SHPRH: variants seen among roughly 807,000 people sequenced by gnomAD.
SHPRH encodes the protein E3 ubiquitin-protein ligase SHPRH.
A neutral mutation model predicts 202.5 loss-of-function variants in SHPRH; 106 were observed. The observed-to-expected ratio is 0.52, with a 90% CI of 0.45 to 0.62. SHPRH has a LOEUF of 0.62. SHPRH is among the 20% of genes least tolerant of loss of function. SHPRH has a pLI of 0.00. For missense variants in SHPRH, 1,710 were observed against 2,020.0 expected, an observed-to-expected ratio of 0.85 and a Z score of 2.94; for synonymous variants, 729 against 686.0, an observed-to-expected ratio of 1.06 and a Z score of -0.98.
the SHPRH span, among the ~76,000 whole-genome samples, chr6:145,858,241 T>C: frequency 6.6e-6 from 1 of 152,114 alleles, no homozygotes; most frequent in Non-Finnish European, 1.5e-5. Flanking sequence ...AAAGCTTATG[T>C]TTACACAAAG....
chr6:145,868,004 TG>T (rs1004252467), intron 2 of SHPRH, among the ~76,000 whole-genome samples: 2 of 152,120 alleles, frequency 1.3e-5, no homozygotes, highest in Non-Finnish European at 2.9e-5. Context: ...ACAAACTGGG[TG>T]GCTTAAACAA....
chr6:145,895,538 T>TG lies in SHPRH; in HGVS notation c.4516-562_4516-561insC, dbSNP rs71802358. ...AAAGCTAGACACTTAAAACTGTGTGTTTTTTTTTTTTTGCATCTTCCATAA... is the reference window on the plus strand; with the variant it reads ...AAAGCTAGACACTTAAAACTGTGTGTGTTTTTTTTTTTTGCATCTTCCATAA... On this transcript the variant is annotated intron_variant, in intron 25 of 29. Coordinates refer to ENST00000275233, the MANE Select transcript of SHPRH (RefSeq NM_001042683.3). Among the ~76,000 whole-genome samples the TG allele has an allele frequency of 7.7e-5, 7 of 90,356 alleles. No individual in the cohort carries two copies. The East Asian group carries it at 9.4e-4, about 12-fold the overall frequency. The allele number at this position is 90,356 out of a possible 152,430, so 59.3% of individuals were successfully genotyped here.
intron 29 of SHPRH, among the ~76,000 whole-genome samples, chr6:145,887,370 G>A (rs1056847837): frequency 2.0e-5 from 3 of 151,888 alleles, no homozygotes; most frequent in Admixed American, 2.0e-4. Context: ...ACCTCCTAAA[G>A]ATGTAGAAAG....
At chr6:145,922,217 A>G (rs1784485868) in intron 20 of SHPRH, 69 bp downstream of exon 20, 9 of 1,335,876 alleles carry the variant, frequency 6.7e-6, no homozygotes, top group Non-Finnish European at 9.4e-6. Context: ...ACATAGTCTT[A>G]TATCACATAA....
In SHPRH at chr6:145,943,757, C is replaced by T; in HGVS notation, c.1624G>A (p.Gly542Arg). The change falls in exon 9 of 30, where the codon GGG (glycine) becomes AGG (arginine). Residue 542 changes from glycine (G) to arginine (R), a missense_variant. By Grantham distance (125) the Gly-to-Arg change is moderately radical. Transcript: ENST00000275233. Reference sequence around the variant, plus strand: ...TATTCAGAATCTGTGTCCTTGTTCCCTGATTTTCTAGTTTCTTTCTGAATT... The same window carrying T: ...TATTCAGAATCTGTGTCCTTGTTCCTTGATTTTCTAGTTTCTTTCTGAATT... Reference protein sequence around the residue: ...RKIQKETRKSGNKDTDSEYLP... With the variant: ...RKIQKETRKSRNKDTDSEYLP... 1 of 1,595,446 alleles carries T rather than the reference C, an allele frequency of 6.3e-7. No homozygotes were observed. Among genetic ancestry groups the T allele is most frequent in the Non-Finnish European group, 8.5e-7 (1 of 1,174,944 alleles).
At chr6:145,922,884 G>A (rs984891240) in intron 18 of SHPRH, 48 bp from the exon 19 acceptor site, 11 of 1,465,524 alleles carry the variant, frequency 7.5e-6, no homozygotes, top group African/African-American at 4.4e-5. Flanking sequence ...AAGAATAATA[G>A]GTCAATTTCC....
chr6:145,890,390 G>A (rs1409307964), intron 28 of SHPRH, among the ~76,000 whole-genome samples: 2 of 152,140 alleles, frequency 1.3e-5, no homozygotes, highest in African/African-American at 2.4e-5. Context: ...TCTCCATGTT[G>A]CTAAATCTAA....
chr6:145,867,489 A>C (rs967596543), intron 2 of SHPRH, among the ~76,000 whole-genome samples: 1 of 150,928 alleles, frequency 6.6e-6, no homozygotes, highest in Non-Finnish European at 1.5e-5. Flanking sequence ...AGAGAGGCAA[A>C]ATGAAACAGG....
At chr6:145,956,217 G>A (rs1326821349) in intron 1 of SHPRH, among the ~76,000 whole-genome samples, 1 of 152,028 alleles carries the variant, frequency 6.6e-6, no homozygotes, top group Non-Finnish European at 1.5e-5. Flanking sequence ...TGGAATCTCA[G>A]CAGCAAAGAA....
At chr6:145,941,485 G>A in intron 10 of SHPRH, 138 bp downstream of exon 10, 3 of 1,299,836 alleles carry the variant, frequency 2.3e-6, no homozygotes, top group African/African-American at 1.5e-5. Context: ...AAAAGCACAA[G>A]TAGTGTTTAA....
At position 145,947,243 on chromosome 6, in the gene SHPRH, C is replaced by A. The variant is rs375896895; in HGVS notation, c.1212+250G>T. Among the ~76,000 whole-genome samples, 739 of 152,116 alleles carry A rather than the reference C, an allele frequency of 4.9e-3. 16 individuals carry two copies. The South Asian group carries it at 0.053, about 11-fold the overall frequency. On this transcript the variant is annotated intron_variant, in intron 6 of 29. Transcript: ENST00000275233. ...TTTTGTAAAGGAGTTTCTCTGCCAA[C>A]TAGAAGAAAGTTCAGTAAGTGATCA...
chr6:145,956,709 T>C (rs1788547330), intron 1 of SHPRH, among the ~76,000 whole-genome samples: 1 of 152,134 alleles, frequency 6.6e-6, no homozygotes. Context: ...ACTTTCATTC[T>C]GAAAATTTTC....
chr6:145,931,202 A>C (rs1785403233), intron 14 of SHPRH, among the ~76,000 whole-genome samples: 1 of 152,118 alleles, frequency 6.6e-6, no homozygotes, highest in Non-Finnish European at 1.5e-5. Flanking sequence ...CAGGCCTCTT[A>C]ATTGGGATAT....
intron 23 of SHPRH, among the ~76,000 whole-genome samples, chr6:145,915,011 G>A (rs572229648): frequency 9.9e-5 from 15 of 151,024 alleles, no homozygotes; most frequent in Admixed American, 6.6e-4. Context: ...GGACTTTCTT[G>A]TCCATTCCTC....
intron 2 of SHPRH, among the ~76,000 whole-genome samples, chr6:145,868,903 A>C (rs1252522522): frequency 6.6e-6 from 1 of 152,192 alleles, no homozygotes; most frequent in African/African-American, 2.4e-5. Flanking sequence ...TTGCTTTATT[A>C]TTCTTAAATA....
Position 145,934,997 on chromosome 6 carries a change from A to T in SHPRH, c.2900T>A (p.Val967Asp). The T allele has an allele frequency of 6.2e-7, 1 of 1,614,088 alleles. No individual in the cohort carries two copies. The highest frequency in any genetic ancestry group is 8.5e-7 in the Non-Finnish European group (1 of 1,180,008). Reference sequence around the variant, plus strand: ...CAGCAATGGATACAGGATAGAGGTGACAGTCCTTCTGTCTAGGCTGCTGAG... The same window carrying T: ...CAGCAATGGATACAGGATAGAGGTGTCAGTCCTTCTGTCTAGGCTGCTGAG... Reference protein sequence around the residue: ...LKLSSLDRRTVTSILYPLLRL... With the variant: ...LKLSSLDRRTDTSILYPLLRL... The change falls in exon 13 of 30, where the codon GTC becomes GAC. Residue 967 changes from valine (V) to aspartate (D), a missense_variant. Physicochemically the swap from Val to Asp is radical, Grantham distance 152. Around this residue, in one of 8 missense-constraint regions of SHPRH, gnomAD observed 277 missense variants for 363.0 expected, o/e 0.76. Transcript: ENST00000275233.
chr6:145,950,354 G>A lies in SHPRH; in HGVS notation c.892C>T (p.Pro298Ser), dbSNP rs1787846624. 2 of 1,613,148 alleles carry A rather than the reference G, an allele frequency of 1.2e-6. No individual in the cohort carries two copies. Among genetic ancestry groups the A allele is most frequent in the Admixed American group, 3.3e-5 (2 of 59,904 alleles). Reference protein sequence around the residue: ...TQSIQVDVQHPALIPVLRPYQ... With the variant: ...TQSIQVDVQHSALIPVLRPYQ... ...GGTCTCAACACAGGGATCAATGCAG[G>A]ATGCTGGACATCCACTTGGATGGAC... The change falls in exon 4 of 30, where the codon CCT becomes TCT. Residue 298 changes from proline to serine, a missense_variant. By Grantham distance (74) the Pro-to-Ser change is moderately conservative (BLOSUM62 -1). Around this residue, in one of 8 missense-constraint regions of SHPRH, gnomAD observed 459 missense variants for 426.5 expected, o/e 1.08. Coordinates refer to ENST00000275233, the MANE Select transcript of SHPRH (RefSeq NM_001042683.3).
At chr6:145,893,519 T>A in intron 27 of SHPRH, 126 bp from the exon 28 acceptor site, 2 of 871,158 alleles carry the variant, frequency 2.3e-6, no homozygotes, top group Non-Finnish European at 3.2e-6. Context: ...CTAAGAAACT[T>A]AAATGCAAAA....
At chr6:145,911,784 A>AATC in intron 24 of SHPRH, among the ~76,000 whole-genome samples, 1 of 152,086 alleles carries the variant, frequency 6.6e-6, no homozygotes, top group East Asian at 1.9e-4. Context: ...ACTCACATTG[A>AATC]AAGAAGAGAA....
Sources: gnomAD v4.1 joint callset for allele counts (sites outside exome capture counted in the v4.1 genomes callset) on GRCh38, gnomAD v4.1.1 for gene constraint, gnomAD v4.1.1 regional missense constraint, MANE v1.5 for transcripts, NCBI Gene and HGNC (gene_info 2026-07-23, HGNC 2026-07-21) for gene names.